The following PROM1 variants were observed in gnomAD, a reference collection of about 807,000 sequenced individuals.
PROM1 encodes the protein prominin-1.
A neutral mutation model predicts 116.9 loss-of-function variants in PROM1; 105 were observed. The observed-to-expected ratio is 0.90, with a 90% CI of 0.77 to 1.06. The LOEUF (loss-of-function observed/expected upper bound fraction) is 1.06. Ranked by LOEUF, PROM1 falls within the 50% of genes least tolerant of loss-of-function variation. The pLI is 0.00. For synonymous variants in PROM1, 393 were observed against 387.0 expected (o/e 1.02, Z -0.18); for missense variants, 1,122 against 1,045.2 (o/e 1.07, Z -1.01).
At position 16,075,883 on chromosome 4, in the gene PROM1, C is replaced by A; in HGVS notation, c.24G>T (p.Leu8=). MALVLGS[L]LLLGLCGNSF... ...AGTTCCCGCACAGCCCCAGCAGCAA[C>A]AGGGAGCCGAGTACGAGGGCCATAG... is the stretch of plus-strand genomic sequence containing the variant. The change falls in exon 2 of 28, where the codon CTG becomes CTT. Residue 8 remains leucine (L), a synonymous_variant. Transcript: ENST00000447510. The A allele has an allele frequency of 6.2e-7, 1 of 1,612,862 alleles. No individual in the cohort carries two copies.
intron 22 of PROM1, 159 bp downstream of exon 22, chr4:15,985,601 G>A: frequency 1.5e-6 from 1 of 655,024 alleles, no homozygotes; most frequent in Non-Finnish European, 2.6e-6. Flanking sequence ...TGACCTGGTG[G>A]GAAGCCCCAG....
intron 26 of PROM1, among the ~76,000 whole-genome samples, chr4:15,974,405 G>A (rs1237440501): frequency 1.3e-5 from 2 of 152,172 alleles, no homozygotes; most frequent in Non-Finnish European, 2.9e-5. Flanking sequence ...ATTACAGTGT[G>A]CGTGTGTGTG....
chr4:15,990,907 C>T (rs1221311522), intron 18 of PROM1, among the ~76,000 whole-genome samples: 1 of 152,252 alleles, frequency 6.6e-6, no homozygotes, highest in Non-Finnish European at 1.5e-5. Context: ...CTGCTACTTT[C>T]TGCACACTGC....
intron 27 of PROM1, among the ~76,000 whole-genome samples, chr4:15,969,818 C>T (rs2148963267): frequency 6.6e-6 from 1 of 152,192 alleles, no homozygotes; most frequent in Admixed American, 6.5e-5. Context: ...CCCAAGTGAT[C>T]TGCCCACCTC....
intron 2 of PROM1, among the ~76,000 whole-genome samples, chr4:16,068,520 G>A (rs1323756400): frequency 6.6e-5 from 10 of 152,188 alleles, no homozygotes; most frequent in Non-Finnish European, 1.2e-4. Flanking sequence ...TACAAGGAAA[G>A]TAACTTTGAA....
intron 13 of PROM1, among the ~76,000 whole-genome samples, chr4:16,001,622 CACCA>C (rs1577951615): frequency 6.6e-6 from 1 of 152,144 alleles, no homozygotes; most frequent in Admixed American, 6.5e-5. Flanking sequence ...GGTCGGCTGT[CACCA>C]ACCAATGTGC....
intron 1 of PROM1, chr4:16,079,963 A>G (rs562031805): frequency 2.0e-5 from 3 of 147,892 alleles, no homozygotes; most frequent in African/African-American, 7.5e-5. Flanking sequence ...TTGGTACTCA[A>G]TGAAGAATTG....
intron 15 of PROM1, among the ~76,000 whole-genome samples, chr4:15,997,685 G>C (rs376782028): frequency 6.6e-6 from 1 of 151,968 alleles, no homozygotes; most frequent in Admixed American, 6.6e-5. Flanking sequence ...GTCTGGTCTC[G>C]AACTCCTGAC....
At chr4:16,052,932 T>C (rs1247580546) in intron 2 of PROM1, among the ~76,000 whole-genome samples, 1 of 152,216 alleles carries the variant, frequency 6.6e-6, no homozygotes, top group African/African-American at 2.4e-5. Flanking sequence ...ATTGACATCA[T>C]GAGCCTCCTA....
At chr4:15,999,912 T>C (rs558297284) in intron 14 of PROM1, among the ~76,000 whole-genome samples, 2 of 152,054 alleles carry the variant, frequency 1.3e-5, no homozygotes, top group African/African-American at 4.8e-5. Flanking sequence ...TCCTCATTAA[T>C]GAAGAAAGCA....
chr4:16,020,020 T>C (rs1273157123), intron 8 of PROM1, among the ~76,000 whole-genome samples: 1 of 152,170 alleles, frequency 6.6e-6, no homozygotes, highest in Non-Finnish European at 1.5e-5. Context: ...TGGTCTCATC[T>C]ATAAATTAGG....
intron 13 of PROM1, among the ~76,000 whole-genome samples, chr4:16,004,477 G>A (rs1724656025): frequency 6.6e-6 from 1 of 151,852 alleles, no homozygotes; most frequent in Admixed American, 6.6e-5. Flanking sequence ...ATTTCGATGA[G>A]GGGTGCACCA....
chr4:16,027,297 A>AAC (rs144910885), intron 5 of PROM1, among the ~76,000 whole-genome samples: 16,365 of 147,154 alleles, frequency 0.11, 1,108 homozygotes, highest in African/African-American at 0.2. Context: ...GTGAAGAAGA[A>AAC]ACACACACAC....
At chr4:16,082,076 G>A (rs79825525) in intron 1 of PROM1, 1,956 of 152,206 alleles carry the variant, frequency 0.013, 38 homozygotes, top group African/African-American at 0.045. Context: ...CATAGGGTTC[G>A]CAGGCTAGCG....
intron 14 of PROM1, among the ~76,000 whole-genome samples, 199 bp downstream of exon 14, chr4:16,000,297 T>C (rs1017822213): frequency 6.6e-6 from 1 of 152,236 alleles, no homozygotes; most frequent in African/African-American, 2.4e-5. Flanking sequence ...CCATATTTTT[T>C]TTTCTCTTAC....
intron 2 of PROM1, among the ~76,000 whole-genome samples, chr4:16,049,290 G>A (rs16892885): frequency 0.021 from 3,229 of 152,222 alleles, 81 homozygotes; most frequent in East Asian, 0.047. Context: ...GATCACAAAC[G>A]CTGCTGTGAG....
intron 2 of PROM1, among the ~76,000 whole-genome samples, chr4:16,042,371 T>C (rs1242600026): frequency 6.6e-6 from 1 of 152,174 alleles, no homozygotes; most frequent in Non-Finnish European, 1.5e-5. Flanking sequence ...TGAACGAATA[T>C]TTTCCAAAAG....
chr4:16,009,649 G>T (rs1026640368), intron 11 of PROM1, among the ~76,000 whole-genome samples: 3 of 151,974 alleles, frequency 2.0e-5, no homozygotes, highest in African/African-American at 7.3e-5. Flanking sequence ...TCTAAGAAAT[G>T]GTATTCAGGG....
At chr4:16,040,533 ATATACT>A (rs1734977272) in intron 2 of PROM1, among the ~76,000 whole-genome samples, 1 of 152,254 alleles carries the variant, frequency 6.6e-6, no homozygotes, top group Admixed American at 6.5e-5. Flanking sequence ...GTTTATTAAA[ATATACT>A]TAGCTGCACA....
Sources: allele counts gnomAD v4.1 joint callset (sites outside exome capture counted in the v4.1 genomes callset), GRCh38; gene constraint gnomAD v4.1.1; transcripts MANE v1.5; gene names NCBI Gene and HGNC (gene_info 2026-07-23, HGNC 2026-07-21).